The following KCNIP1 variants were observed in gnomAD, a reference collection of about 807,000 sequenced individuals.
The protein encoded by KCNIP1 is potassium voltage-gated channel interacting protein 1.
KCNIP1 carries 18 observed loss-of-function variants against 33.0 expected under a neutral mutation model. The observed-to-expected ratio is 0.55, with a 90% CI of 0.38 to 0.81. The LOEUF is 0.81. Ranked by LOEUF, KCNIP1 falls within the 30% of genes least tolerant of loss-of-function variation. The pLI is 0.00. For synonymous variants in KCNIP1, 93 were observed against 98.3 expected (o/e 0.95, Z 0.32); for missense variants, 238 against 271.6 (o/e 0.88, Z 0.87).
At chr5:170,498,852 T>C (rs1232808983) in intron 1 of KCNIP1, among the ~76,000 whole-genome samples, 1 of 152,164 alleles carries the variant, frequency 6.6e-6, no homozygotes, top group Non-Finnish European at 1.5e-5. Context: ...GTTTCACAGA[T>C]GAGGAGGCTA....
chr5:170,526,719 C>CTTTTTTGCTTT (rs774926936), intron 1 of KCNIP1, among the ~76,000 whole-genome samples: 9 of 122,814 alleles, frequency 7.3e-5, no homozygotes, highest in African/African-American at 2.6e-4. Flanking sequence ...ATCTGATTAG[C>CTTTTTTGCTTT]TTTTTTTTTT....
intron 1 of KCNIP1, among the ~76,000 whole-genome samples, chr5:170,586,784 C>G (rs1171237135): frequency 6.6e-6 from 1 of 152,226 alleles, no homozygotes; most frequent in South Asian, 2.1e-4. Flanking sequence ...CCCTTGAGAG[C>G]AGAGTTGTAC....
At chr5:170,639,978 C>T (rs954933568) in intron 1 of KCNIP1, among the ~76,000 whole-genome samples, 2 of 152,266 alleles carry the variant, frequency 1.3e-5, no homozygotes, top group African/African-American at 4.8e-5. Context: ...CTTCTGCCTT[C>T]TTGTTCTGCC....
At chr5:170,401,461 T>C (rs1159129516) in intron 1 of KCNIP1, among the ~76,000 whole-genome samples, 1 of 152,028 alleles carries the variant, frequency 6.6e-6, no homozygotes, top group Non-Finnish European at 1.5e-5. Context: ...AAAGGACTGA[T>C]TTTTTAAAAA....
intron 1 of KCNIP1, among the ~76,000 whole-genome samples, chr5:170,569,123 T>C (rs35009112): frequency 0.56 from 84,791 of 151,586 alleles, 23,849 homozygotes; most frequent in East Asian, 0.64. Flanking sequence ...CCAGTAACCA[T>C]GGCCTCCAGG....
chr5:170,365,069 A>T (rs139103778), intron 1 of KCNIP1, among the ~76,000 whole-genome samples: 17 of 152,294 alleles, frequency 1.1e-4, no homozygotes, highest in African/African-American at 4.1e-4. Flanking sequence ...TCATCCACTA[A>T]GAGTCGAGCT....
At chr5:170,438,641 T>G (rs943655102) in intron 1 of KCNIP1, among the ~76,000 whole-genome samples, 4 of 152,100 alleles carry the variant, frequency 2.6e-5, no homozygotes, top group Admixed American at 6.5e-5. Flanking sequence ...TCCCATAGAC[T>G]TCCCCACTCT....
chr5:170,651,620 G>A (rs1280279291), intron 1 of KCNIP1, among the ~76,000 whole-genome samples: 1 of 152,012 alleles, frequency 6.6e-6, no homozygotes, highest in African/African-American at 2.4e-5. Context: ...TGTTTTCTTT[G>A]TATGTCTCCT....
intron 1 of KCNIP1, among the ~76,000 whole-genome samples, chr5:170,553,078 G>A (rs1267441063): frequency 6.6e-6 from 1 of 152,208 alleles, no homozygotes; most frequent in Admixed American, 6.5e-5. Flanking sequence ...GTGCCTGGGG[G>A]AGAGAGGAGG....
At chr5:170,660,981 G>A (rs990913168) in intron 1 of KCNIP1, among the ~76,000 whole-genome samples, 2 of 152,264 alleles carry the variant, frequency 1.3e-5, no homozygotes, top group Non-Finnish European at 2.9e-5. Context: ...GACTGGAAGG[G>A]TGAGGAAGGA....
At chr5:170,551,656 GTGAC>G (rs933351674) in intron 1 of KCNIP1, among the ~76,000 whole-genome samples, 1 of 149,982 alleles carries the variant, frequency 6.7e-6, no homozygotes, top group Admixed American at 6.6e-5. Context: ...GTGTGCTTGA[GTGAC>G]TGTGAGTGGT....
chr5:170,710,555 C>A (rs1763409547), intron 1 of KCNIP1, among the ~76,000 whole-genome samples: 1 of 152,160 alleles, frequency 6.6e-6, no homozygotes, highest in Non-Finnish European at 1.5e-5. Flanking sequence ...AAATGTGTTA[C>A]CTATCTGGTT....
At chr5:170,571,727 G>C (rs886510936) in intron 1 of KCNIP1, among the ~76,000 whole-genome samples, 1 of 152,198 alleles carries the variant, frequency 6.6e-6, no homozygotes, top group Admixed American at 6.5e-5. Flanking sequence ...CAATGGCTGA[G>C]TGAGTTATGT....
chr5:170,537,077 G>A (rs536515470), intron 1 of KCNIP1, among the ~76,000 whole-genome samples: 14 of 152,286 alleles, frequency 9.2e-5, no homozygotes, highest in East Asian at 3.9e-4. Flanking sequence ...CCTCAGGTCC[G>A]TCCTTGTGCC....
chr5:170,468,859 A>G (rs1226869338), intron 1 of KCNIP1, among the ~76,000 whole-genome samples: 1 of 152,014 alleles, frequency 6.6e-6, no homozygotes, highest in Non-Finnish European at 1.5e-5. Context: ...CCTGGAAGAC[A>G]CAGTGAGACC....
intron 1 of KCNIP1, among the ~76,000 whole-genome samples, chr5:170,455,728 A>G (rs963756685): frequency 1.3e-5 from 2 of 152,258 alleles, no homozygotes; most frequent in South Asian, 4.1e-4. Flanking sequence ...ATAAATGAGA[A>G]AATACTTTGA....
intron 1 of KCNIP1, among the ~76,000 whole-genome samples, chr5:170,676,107 A>AGATGAAAGAAG (rs1275528995): frequency 1.6e-5 from 2 of 128,732 alleles, no homozygotes; most frequent in African/African-American, 5.9e-5. Context: ...GAAGGGAGGA[A>AGATGAAAGAAG]GAAGGGAGGG....
At chr5:170,418,960 G>A (rs1482456452) in intron 1 of KCNIP1, among the ~76,000 whole-genome samples, 1 of 152,218 alleles carries the variant, frequency 6.6e-6, no homozygotes, top group African/African-American at 2.4e-5. Context: ...ATTTGAGTGA[G>A]TGTCCTCGCT....
At chr5:170,623,715 A>G (rs1759703089) in intron 1 of KCNIP1, among the ~76,000 whole-genome samples, 1 of 152,198 alleles carries the variant, frequency 6.6e-6, no homozygotes, top group Admixed American at 6.5e-5. Context: ...TGGGCTTATC[A>G]AGGCTCTGCA....
Sources: allele counts gnomAD v4.1 joint callset (sites outside exome capture counted in the v4.1 genomes callset), GRCh38; gene constraint gnomAD v4.1.1; transcripts MANE v1.5; gene names NCBI Gene and HGNC (gene_info 2026-07-23, HGNC 2026-07-21).